The following HDAC4 variants were observed in gnomAD, a reference collection of about 807,000 sequenced individuals.
HDAC4 encodes histone deacetylase 4.
Under a neutral mutation model 135.1 loss-of-function variants are expected in HDAC4, and 16 were observed. The ratio of observed to expected loss-of-function variants is 0.12; its 90% CI spans 0.08 to 0.18. The LOEUF is 0.18. Among genes scored for constraint, HDAC4 ranks in the 10% least tolerant of loss-of-function variants. The pLI, the probability that HDAC4 is intolerant of heterozygous loss-of-function variation, is 1.00. For synonymous variants in HDAC4, 685 were observed against 653.4 expected, an observed-to-expected ratio of 1.05 and a Z score of -0.74; for missense variants, 1,143 against 1,511.8, an observed-to-expected ratio of 0.76 and a Z score of 4.05.
chr2:239,121,418 C>A (rs1307006023), intron 12 of HDAC4, among the ~76,000 whole-genome samples: 1 of 152,204 alleles, frequency 6.6e-6, no homozygotes, highest in African/African-American at 2.4e-5. Flanking sequence ...GCCACTGCAA[C>A]CTGCCTGCCT....
chr2:239,361,963 T>C (rs1693897072), intron 1 of HDAC4, among the ~76,000 whole-genome samples: 1 of 152,232 alleles, frequency 6.6e-6, no homozygotes, highest in African/African-American at 2.4e-5. Flanking sequence ...CAAGGATCCA[T>C]TTGTTTCTGA....
At chr2:239,323,622 C>T (rs1254477929) in intron 2 of HDAC4, among the ~76,000 whole-genome samples, 3 of 152,254 alleles carry the variant, frequency 2.0e-5, no homozygotes, top group Admixed American at 6.5e-5. Context: ...CAAGAACCCG[C>T]GGCCAACGAC....
At chr2:239,133,440 G>A (rs141993210) in intron 11 of HDAC4, among the ~76,000 whole-genome samples, 31 of 152,304 alleles carry the variant, frequency 2.0e-4, no homozygotes, top group Non-Finnish European at 3.2e-4. Flanking sequence ...ACGATGACCC[G>A]CACGGCAAGG....
At chr2:239,372,955 C>T (rs1388259511) in intron 1 of HDAC4, among the ~76,000 whole-genome samples, 3 of 152,166 alleles carry the variant, frequency 2.0e-5, no homozygotes, top group Admixed American at 6.5e-5. Context: ...CGGGGGAGTC[C>T]GTCACGTGGC....
At chr2:239,360,643 A>G (rs1462495922) in intron 1 of HDAC4, among the ~76,000 whole-genome samples, 2 of 152,308 alleles carry the variant, frequency 1.3e-5, no homozygotes, top group East Asian at 3.9e-4. Context: ...GGGGCACCCG[A>G]GCTCCACCTG....
intron 2 of HDAC4, among the ~76,000 whole-genome samples, chr2:239,284,103 C>T (rs563453509): frequency 1.3e-5 from 2 of 152,358 alleles, no homozygotes; most frequent in African/African-American, 4.8e-5. Context: ...TGGCTTTCCA[C>T]GTCTCTCCAC....
rs1034500052 is a variant in HDAC4 at position 239,175,466 on chromosome 2, C to T, written c.490+947G>A. ...ACTGTTACCTTTTCCTCAGTAGATG[C>T]GTCCCTCTAACTGTCCAAAGTGGGA... On this transcript the variant is annotated intron_variant, in intron 5 of 26. Transcript: ENST00000543185. Among the ~76,000 whole-genome samples the T allele has an allele frequency of 2.6e-5, 4 of 152,206 alleles. No homozygotes were observed. The South Asian group carries it at 6.2e-4, about 24-fold the overall frequency.
At chr2:239,246,312 C>CT (rs1224645396) in intron 2 of HDAC4, among the ~76,000 whole-genome samples, 1 of 152,240 alleles carries the variant, frequency 6.6e-6, no homozygotes, top group African/African-American at 2.4e-5. Flanking sequence ...CACCTCGCCC[C>CT]TTCCCCTCCC....
chr2:239,180,191 C>A (rs906897404), intron 4 of HDAC4, among the ~76,000 whole-genome samples: 3 of 152,150 alleles, frequency 2.0e-5, no homozygotes, highest in Non-Finnish European at 2.9e-5. Context: ...CCCTCTCCTG[C>A]GAGAGCCTGG....
At chr2:239,212,770 G>T (rs1433902824) in intron 3 of HDAC4, among the ~76,000 whole-genome samples, 2 of 152,176 alleles carry the variant, frequency 1.3e-5, no homozygotes, top group African/African-American at 4.8e-5. Flanking sequence ...TGGGCTAAGA[G>T]AACAGGACAA....
At chr2:239,088,172 C>T (rs772631028) in intron 18 of HDAC4, among the ~76,000 whole-genome samples, 120 of 152,332 alleles carry the variant, frequency 7.9e-4, no homozygotes, top group Non-Finnish European at 1.5e-3. Context: ...GAAACGCTGT[C>T]CTCTGCCCCA....
At chr2:239,178,332 G>A (rs768840486) in intron 4 of HDAC4, among the ~76,000 whole-genome samples, 23 of 152,176 alleles carry the variant, frequency 1.5e-4, no homozygotes, top group Admixed American at 9.8e-4. Context: ...GTGCAGTGGC[G>A]CAATCATAGC....
At chr2:239,087,535 T>C in intron 19 of HDAC4, 24 bp downstream of exon 19, 1 of 1,610,334 alleles carries the variant, frequency 6.2e-7, no homozygotes, top group Non-Finnish European at 8.5e-7. Flanking sequence ...TCCCCTGCTG[T>C]GCGGGGCTGC....
At chr2:239,311,460 C>G (rs1222876986) in intron 2 of HDAC4, among the ~76,000 whole-genome samples, 1 of 152,224 alleles carries the variant, frequency 6.6e-6, no homozygotes, top group East Asian at 1.9e-4. Flanking sequence ...CCTGGCACTC[C>G]TTTCCAAGCA....
intron 12 of HDAC4, among the ~76,000 whole-genome samples, chr2:239,125,852 G>A (rs909648963): frequency 1.3e-5 from 2 of 152,218 alleles, no homozygotes; most frequent in African/African-American, 4.8e-5. Flanking sequence ...GGGCTGGCCG[G>A]GGCCCAGAAC....
chr2:239,058,257 A>G (rs1212631698), intron 24 of HDAC4, among the ~76,000 whole-genome samples: 1 of 152,244 alleles, frequency 6.6e-6, no homozygotes, highest in Non-Finnish European at 1.5e-5. Context: ...CTTTGGACTC[A>G]GTAGAGGGAA....
intron 2 of HDAC4, among the ~76,000 whole-genome samples, chr2:239,324,793 G>A (rs1156464777): frequency 6.6e-6 from 1 of 152,242 alleles, no homozygotes; most frequent in Admixed American, 6.5e-5. Context: ...AGGTGCTGCT[G>A]TAGGGACGCA....
chr2:239,235,163 G>A (rs371654582), intron 3 of HDAC4, among the ~76,000 whole-genome samples: 4 of 152,040 alleles, frequency 2.6e-5, no homozygotes, highest in Admixed American at 6.6e-5. Context: ...TAAAATCAAG[G>A]TGTAAAAAAC....
chr2:239,107,213 C>T (rs2038224418), intron 15 of HDAC4, among the ~76,000 whole-genome samples: 1 of 152,244 alleles, frequency 6.6e-6, no homozygotes, highest in African/African-American at 2.4e-5. Context: ...ACAGCCTCAC[C>T]AAAGTGCGGC....
Sources: allele counts gnomAD v4.1 joint callset (sites outside exome capture counted in the v4.1 genomes callset), GRCh38; gene constraint gnomAD v4.1.1; transcripts MANE v1.5; gene names NCBI Gene and HGNC (gene_info 2026-07-23, HGNC 2026-07-21).